Variants in SLC35F2 observed in about 807,000 individuals in gnomAD.
The protein encoded by SLC35F2 is solute carrier family 35 member F2, also known as queuine/queuosine transporter SLC35F2.
A neutral mutation model predicts 38.1 loss-of-function variants in SLC35F2; 25 were observed. The ratio of observed to expected loss-of-function variants is 0.66; its 90% CI spans 0.48 to 0.92. The LOEUF (loss-of-function observed/expected upper bound fraction) is 0.92, where lower values mean the gene tolerates loss of function less well. Ranked by LOEUF, SLC35F2 falls within the 40% of genes least tolerant of loss-of-function variation. The probability of loss-of-function intolerance (pLI) is 0.00; values close to 1 mark genes in which losing one functional copy is unlikely to be tolerated. For missense variants in SLC35F2, 409 were observed against 452.9 expected, an observed-to-expected ratio of 0.90 and a Z score of 0.88; for synonymous variants, 173 against 181.7, an observed-to-expected ratio of 0.95 and a Z score of 0.38.
chr11:107,834,370 G>C (rs146687510), intron 1 of SLC35F2, among the ~76,000 whole-genome samples: 1,545 of 152,270 alleles, frequency 0.01, 40 homozygotes, highest in African/African-American at 0.036. Context: ...GAATGAAGCG[G>C]CTGGGCGCGG....
In SLC35F2 at chr11:107,812,047, G is replaced by A. The variant is rs112862257; in HGVS notation, c.287-253C>T. On this transcript the variant is annotated intron_variant, in intron 2 of 7. Coordinates refer to ENST00000525815, the MANE Select transcript of SLC35F2 (RefSeq NM_017515.5). ...CTCCTGAGTAGCTGGGACCACAGGC[G>A]TACGCCACCATACCCACCTAATTAT... is the stretch of plus-strand genomic sequence containing the variant. Among the ~76,000 whole-genome samples, 947 of 152,128 alleles carry A rather than the reference G, an allele frequency of 6.2e-3. 2 individuals carry two copies. Among genetic ancestry groups the A allele is most frequent in the South Asian group, 0.022 (104 of 4,826 alleles).
chr11:107,795,872 G>A (rs998634701), intron 7 of SLC35F2, among the ~76,000 whole-genome samples: 1 of 152,196 alleles, frequency 6.6e-6, no homozygotes, highest in African/African-American at 2.4e-5. Context: ...GGTGGCCCAC[G>A]CCTGTAATCC....
chr11:107,797,002 TTTAG>T (rs1565426385), intron 7 of SLC35F2, among the ~76,000 whole-genome samples: 3 of 152,098 alleles, frequency 2.0e-5, no homozygotes, highest in Non-Finnish European at 2.9e-5. Flanking sequence ...GGTACAAACA[TTTAG>T]TTAGATAGAA....
intron 1 of SLC35F2, among the ~76,000 whole-genome samples, chr11:107,818,072 A>AAAAGAAAGAAAGAAAGAAAGAAAG (rs1163903791): frequency 1.9e-4 from 13 of 68,482 alleles, no homozygotes; most frequent in East Asian, 1.7e-3. Context: ...AAAAAAAAAA[A>AAAAGAAAGAAAGAAAGAAAGAAAG]AAAGAAAGAA....
chr11:107,803,341 T>G (rs1859343540), intron 6 of SLC35F2, 186 bp from the exon 7 acceptor site: 1 of 984,966 alleles, frequency 1.0e-6, no homozygotes, highest in Admixed American at 6.2e-5. Flanking sequence ...AAATAGCAAG[T>G]TGTGATGTAG....
chr11:107,830,583 C>CAAA lies in SLC35F2; in HGVS notation c.111-14621_111-14619dup, dbSNP rs66495434. Among the ~76,000 whole-genome samples, 816 of 95,618 alleles carry CAAA rather than the reference C, an allele frequency of 8.5e-3. 14 individuals are homozygous for CAAA. The highest frequency in any genetic ancestry group is 0.024 in the African/African-American group (641 of 26,384). 62.7% of individuals were successfully genotyped at this position (95,618 alleles called of 152,430 possible). A position where few individuals can be genotyped will look rare whatever the true frequency, so the allele number is the denominator to read the frequency against. On this transcript the variant is annotated intron_variant, in intron 1 of 7. Transcript: ENST00000525815. ...TGGGAGACAGAGCAAGACTCAGTCT[C>CAAA]AAAAAAAAAAAAAAAAGAAAAGAAA...
At chr11:107,810,730 T>C in intron 3 of SLC35F2, 1 of 979,714 alleles carries the variant, frequency 1.0e-6, no homozygotes, top group African/African-American at 1.7e-5. Flanking sequence ...GAAAAGAAAG[T>C]AGTTAATATA....
chr11:107,800,418 T>C, intron 7 of SLC35F2, among the ~76,000 whole-genome samples: 1 of 124,006 alleles, frequency 8.1e-6, no homozygotes, highest in East Asian at 2.0e-4. Flanking sequence ...GGGAATAGCA[T>C]AAATAAGGAT....
intron 4 of SLC35F2, among the ~76,000 whole-genome samples, chr11:107,806,210 G>A (rs976799554): frequency 2.6e-5 from 4 of 152,288 alleles, no homozygotes; most frequent in African/African-American, 9.6e-5. Context: ...ATAATGTAAG[G>A]CCTCAGAAAA....
intron 1 of SLC35F2, among the ~76,000 whole-genome samples, chr11:107,818,240 C>G (rs3099829): frequency 0.59 from 89,254 of 151,744 alleles, 28,494 homozygotes; most frequent in African/African-American, 0.87. Flanking sequence ...GAGACCAGCT[C>G]GGCAACATGC....
At chr11:107,807,089 A>G (rs1337621661) in intron 3 of SLC35F2, among the ~76,000 whole-genome samples, 2 of 152,048 alleles carry the variant, frequency 1.3e-5, no homozygotes, top group African/African-American at 4.8e-5. Flanking sequence ...TTTATACATG[A>G]GAAAATGAAG....
At chr11:107,839,126 G>C (rs1859979565) in intron 1 of SLC35F2, among the ~76,000 whole-genome samples, 1 of 152,048 alleles carries the variant, frequency 6.6e-6, no homozygotes, top group African/African-American at 2.4e-5. Context: ...ATGTAATACT[G>C]ACAATTATGA....
chr11:107,811,781 A>G lies in SLC35F2; in HGVS notation c.300T>C (p.Leu100=). The G allele has an allele frequency of 6.2e-7, 1 of 1,613,848 alleles. No homozygotes were observed. ...MLAFRSGSDN[L]LVILKRKWWK... ...ACCATTTTCTTTTCAAGATTACTAA[A>G]AGGTTATCACTGCCTGGTTGAAAGA... is the stretch of plus-strand genomic sequence containing the variant. Residue 100 remains leucine (L), a synonymous_variant, in exon 3 of 8, where the codon CTT becomes CTC. Transcript: ENST00000525815.
intron 1 of SLC35F2, among the ~76,000 whole-genome samples, chr11:107,833,515 T>C (rs543544546): frequency 8.4e-5 from 9 of 107,240 alleles, no homozygotes; most frequent in African/African-American, 3.1e-4. Context: ...TGAGACTCTG[T>C]CTCAAAAAAA....
intron 1 of SLC35F2, among the ~76,000 whole-genome samples, chr11:107,857,106 CAGAAGGAAGGGA>C (rs1860302541): frequency 8.8e-6 from 1 of 113,164 alleles, no homozygotes; most frequent in Non-Finnish European, 1.7e-5. Context: ...GGTCACCCAG[CAGAAGGAAGGGA>C]GGAAGGAAGG....
At chr11:107,832,127 C>G (rs556897796) in intron 1 of SLC35F2, among the ~76,000 whole-genome samples, 36 of 152,040 alleles carry the variant, frequency 2.4e-4, no homozygotes, top group African/African-American at 7.0e-4. Flanking sequence ...TTGCAGTATT[C>G]TATAACAATA....
At chr11:107,852,977 A>G (rs538833592) in intron 1 of SLC35F2, among the ~76,000 whole-genome samples, 1 of 152,086 alleles carries the variant, frequency 6.6e-6, no homozygotes, top group South Asian at 2.1e-4. Context: ...TCAGGAGATC[A>G]TGACACTGCA....
At position 107,792,560 on chromosome 11, in the gene SLC35F2, C is replaced by A; in HGVS notation, c.*55G>T. ...GCTATTTCCCCAAGTGTCCCCTCAG[C>A]AGGCAGCAGGCTCTGCTTTATCCTG... On this transcript the variant is annotated 3_prime_UTR_variant, in exon 8 of 8. Coordinates refer to ENST00000525815, the MANE Select transcript of SLC35F2 (RefSeq NM_017515.5). The A allele has an allele frequency of 6.5e-7, 1 of 1,532,998 alleles. No homozygotes were observed. The highest frequency in any genetic ancestry group is 1.3e-5 in the South Asian group (1 of 76,238). 95.0% of individuals were successfully genotyped at this position (1,532,998 alleles called of 1,614,324 possible). A position where few individuals can be genotyped will look rare whatever the true frequency, so the allele number is the denominator to read the frequency against.
intron 1 of SLC35F2, among the ~76,000 whole-genome samples, chr11:107,820,260 TAA>T (rs754515465): frequency 1.2e-5 from 1 of 80,036 alleles, no homozygotes; most frequent in African/African-American, 4.4e-5. Flanking sequence ...GCCCAAAAAA[TAA>T]AAAAAAAAAA....
Sources: gnomAD v4.1 joint callset for allele counts (sites outside exome capture counted in the v4.1 genomes callset) on GRCh38, gnomAD v4.1.1 for gene constraint, MANE v1.5 for transcripts, NCBI Gene and HGNC (gene_info 2026-07-23, HGNC 2026-07-21) for gene names.